The following ECE1 variants were observed in gnomAD, a reference collection of about 807,000 sequenced individuals.
ECE1 encodes endothelin converting enzyme 1.
In ECE1, 35 loss-of-function variants were observed where a neutral mutation model predicts 98.6. That is an observed-to-expected ratio of 0.35 (90% CI 0.27 to 0.47). ECE1 has a LOEUF of 0.47. Ranked by LOEUF, ECE1 falls within the 20% of genes least tolerant of loss-of-function variation. The probability of loss-of-function intolerance (pLI) is 1.00; values close to 1 mark genes in which losing one functional copy is unlikely to be tolerated. For synonymous variants in ECE1, 394 were observed against 407.1 expected, an observed-to-expected ratio of 0.97 and a Z score of 0.39; for missense variants, 814 against 1,025.3, an observed-to-expected ratio of 0.79 and a Z score of 2.81.
intron 2 of ECE1, among the ~76,000 whole-genome samples, chr1:21,285,186 T>A (rs3026855): frequency 4.6e-5 from 7 of 152,242 alleles, no homozygotes; most frequent in African/African-American, 1.4e-4. Flanking sequence ...ATATGATCCG[T>A]TGTAGGGGAG....
chr1:21,290,453 C>T lies in ECE1; in HGVS notation c.-39G>A, dbSNP rs1363149732. 1.3e-5 allele frequency: 16 copies of T among 1,228,828 alleles called. No individual in the cohort carries two copies. The highest frequency in any genetic ancestry group is 1.5e-5 in the Non-Finnish European group (15 of 986,336). 76.1% of individuals were successfully genotyped at this position (1,228,828 alleles called of 1,614,324 possible). On this transcript the variant is annotated 5_prime_UTR_variant, in exon 1 of 19. Coordinates refer to ENST00000374893, the MANE Select transcript of ECE1 (RefSeq NM_001397.3). This position sits in a 1 kb window ranked among gnomAD's most constrained non-coding sequence, Gnocchi z 7.3. ...CGCCTGGTCCCGCTGCCCGGGTGGC[C>T]GGGATGGGATGGGCCGGGCCAGGCG...
intron 1 of ECE1, among the ~76,000 whole-genome samples, chr1:21,332,029 T>TG (rs1192483224): frequency 1.3e-5 from 2 of 152,094 alleles, no homozygotes; most frequent in South Asian, 2.1e-4. Context: ...TCAGGGCCGT[T>TG]TTGTCCCACT....
intron 4 of ECE1, among the ~76,000 whole-genome samples, chr1:21,269,875 C>T (rs1307375727): frequency 6.6e-6 from 1 of 152,200 alleles, no homozygotes; most frequent in Non-Finnish European, 1.5e-5. Context: ...CCTGGTATCA[C>T]CAGACCTTGG....
chr1:21,341,642 A>G (rs541034323), intron 1 of ECE1, among the ~76,000 whole-genome samples: 1 of 152,206 alleles, frequency 6.6e-6, no homozygotes, highest in East Asian at 1.9e-4. Context: ...AGAGTGTAGC[A>G]ATGTAAGGAG....
At chr1:21,339,651 A>C (rs1029347530) in intron 1 of ECE1, among the ~76,000 whole-genome samples, 2 of 152,164 alleles carry the variant, frequency 1.3e-5, no homozygotes, top group Non-Finnish European at 2.9e-5. Flanking sequence ...GGTGGTTCCT[A>C]ATCCCCTTTT....
Position 21,312,744 on chromosome 1 carries a change from G to A in ECE1, c.4-22588C>T, listed in dbSNP as rs532447888. ...AGTGTGGTGGACATGGGTCTATACC[G>A]CCTGTATTCAAATCCCAGCTCTGCC... On this transcript the variant is annotated intron_variant, in intron 1 of 18. Coordinates refer to the ECE1 transcript ENST00000415912. Among the ~76,000 whole-genome samples the A allele has an allele frequency of 2.0e-4, 31 of 152,146 alleles. No homozygotes were observed. The South Asian group carries it at 6.0e-3, about 30-fold the overall frequency.
chr1:21,236,006 T>A, intron 12 of ECE1, 79 bp from the exon 13 acceptor site: 2 of 1,371,684 alleles, frequency 1.5e-6, no homozygotes, highest in South Asian at 2.3e-5. Context: ...GCTGGGCTCA[T>A]AGTCTGGGCC....
intron 2 of ECE1, among the ~76,000 whole-genome samples, chr1:21,289,099 T>A (rs2098263690): frequency 6.6e-6 from 1 of 152,162 alleles, no homozygotes; most frequent in South Asian, 2.1e-4. Context: ...CGTCCATTCA[T>A]CCTAAGCTCG....
chr1:21,326,072 A>T (rs1361971326), intron 1 of ECE1, among the ~76,000 whole-genome samples: 1 of 152,088 alleles, frequency 6.6e-6, no homozygotes, highest in Non-Finnish European at 1.5e-5. Flanking sequence ...TGTGGGGACC[A>T]GGGGGCTGGG....
In ECE1 at chr1:21,279,273, C is replaced by T. The variant is rs1369793077; in HGVS notation, c.198G>A (p.Glu66=). 3.1e-6 allele frequency: 5 copies of T among 1,614,136 alleles called. No individual in the cohort carries two copies. Among genetic ancestry groups the T allele is most frequent in the Non-Finnish European group, 3.4e-6 (4 of 1,180,060 alleles). Residue 66 remains glutamate (E), a synonymous_variant, in exon 3 of 19, where the codon GAG becomes GAA. Coordinates refer to ENST00000374893, the MANE Select transcript of ECE1 (RefSeq NM_001397.3). ...QRCWAARTQV[E]KRLVVLVVLL... Reference sequence around the variant, plus strand: ...GTACCACCAACACCACCAGCCGCTTCTCCACCTGGGTCCGTGCAGCCCAGC... The same window carrying T: ...GTACCACCAACACCACCAGCCGCTTTTCCACCTGGGTCCGTGCAGCCCAGC...
chr1:21,269,645 C>T (rs1346704993), intron 4 of ECE1, among the ~76,000 whole-genome samples: 1 of 152,222 alleles, frequency 6.6e-6, no homozygotes, highest in Non-Finnish European at 1.5e-5. Context: ...TACTAGGTGC[C>T]AGGCTAGTAT....
intron 2 of ECE1, among the ~76,000 whole-genome samples, chr1:21,282,041 C>T (rs1412554122): frequency 1.3e-5 from 2 of 151,550 alleles, no homozygotes; most frequent in Non-Finnish European, 2.9e-5. Context: ...AATCTCAACA[C>T]TTTGGGAGGC....
intron 1 of ECE1, among the ~76,000 whole-genome samples, chr1:21,311,509 CAAAA>C (rs397979522): frequency 0.014 from 1,074 of 74,290 alleles, 17 homozygotes; most frequent in African/African-American, 0.054. Context: ...CCTGTCTCCA[CAAAA>C]AAAAAAAAAA....
At chr1:21,273,338 C>T (rs895484576) in intron 3 of ECE1, among the ~76,000 whole-genome samples, 12 of 122,230 alleles carry the variant, frequency 9.8e-5, no homozygotes, top group African/African-American at 2.0e-4. Flanking sequence ...TGTGCCCGTG[C>T]GTGTGTGCGT....
chr1:21,339,745 G>C (rs991565947), intron 1 of ECE1, among the ~76,000 whole-genome samples: 1 of 152,184 alleles, frequency 6.6e-6, no homozygotes, highest in African/African-American at 2.4e-5. Flanking sequence ...CCGATTTCCT[G>C]AATGCTCTCT....
chr1:21,336,557 G>A (rs1453963083), intron 1 of ECE1, among the ~76,000 whole-genome samples: 1 of 152,136 alleles, frequency 6.6e-6, no homozygotes. Flanking sequence ...TTAGTCGGCT[G>A]TGGCCGGGCG....
At chr1:21,227,739 T>G (rs1488514306) in intron 15 of ECE1, among the ~76,000 whole-genome samples, 192 bp downstream of exon 15, 2 of 152,098 alleles carry the variant, frequency 1.3e-5, no homozygotes, top group Non-Finnish European at 2.9e-5. Context: ...AATACCCCAC[T>G]GTGCAGGGCT....
intron 3 of ECE1, among the ~76,000 whole-genome samples, chr1:21,275,824 C>T (rs951707309): frequency 1.3e-5 from 2 of 152,098 alleles, no homozygotes; most frequent in Non-Finnish European, 2.9e-5. Context: ...CCTCTTCCTA[C>T]GGAAACCTTC....
chr1:21,230,633 G>A (rs1480238441), intron 14 of ECE1, among the ~76,000 whole-genome samples: 6 of 152,020 alleles, frequency 3.9e-5, no homozygotes, highest in Admixed American at 1.3e-4. Flanking sequence ...TGATCCACCC[G>A]CCTCAGCCTC....
Sources: allele counts gnomAD v4.1 joint callset (sites outside exome capture counted in the v4.1 genomes callset), GRCh38; gene constraint gnomAD v4.1.1; non-coding constraint Gnocchi (gnomAD v3.1); transcripts MANE v1.5; gene names NCBI Gene and HGNC (gene_info 2026-07-23, HGNC 2026-07-21).